The following SLC17A1 variants were observed in gnomAD, a reference collection of about 807,000 sequenced individuals.
SLC17A1 encodes sodium-dependent phosphate transport protein 1.
Under a neutral mutation model 53.5 loss-of-function variants are expected in SLC17A1, and 51 were observed. The ratio of observed to expected loss-of-function variants is 0.95; its 90% CI spans 0.76 to 1.20. SLC17A1 has a LOEUF of 1.20. SLC17A1 is among the 50% of genes most tolerant of loss of function. The pLI, the probability that SLC17A1 is intolerant of heterozygous loss-of-function variation, is 0.00. For missense variants in SLC17A1, 538 were observed against 568.2 expected, an observed-to-expected ratio of 0.95 and a Z score of 0.54; for synonymous variants, 179 against 198.8, an observed-to-expected ratio of 0.90 and a Z score of 0.84.
Position 25,819,815 on chromosome 6 carries a change from C to G in SLC17A1, c.308G>C (p.Gly103Ala). Residue 103 changes from glycine (G) to alanine (A), a missense_variant, in exon 4 of 13, where the codon GGA becomes GCA. By Grantham distance (60) the Gly-to-Ala change is moderately conservative (BLOSUM62 0). Transcript: ENST00000244527. ...IIQVPVGYFS[G>A]IYSTKKMIGF... is the part of the protein sequence containing the mutation. ...AATCATTTTCTTTGTAGAATATATT[C>G]CAGAGAAGTATCCAACAGGAACTTG... 9 of 1,614,004 alleles carry G rather than the reference C, an allele frequency of 5.6e-6. No individual in the cohort carries two copies. Among genetic ancestry groups the G allele is most frequent in the Non-Finnish European group, 4.2e-6 (5 of 1,179,938 alleles).
At chr6:25,737,075 C>T in the SLC17A1 span, among the ~76,000 whole-genome samples, 1 of 152,138 alleles carries the variant, frequency 6.6e-6, no homozygotes, top group African/African-American at 2.4e-5. Flanking sequence ...AATTAAACCA[C>T]CTTTGTAAAA....
the SLC17A1 span, chr6:25,770,890 C>A: frequency 6.5e-7 from 1 of 1,532,580 alleles, no homozygotes. Flanking sequence ...CAAGACGAGT[C>A]CTCTCACCCA....
intron 3 of SLC17A1, among the ~76,000 whole-genome samples, chr6:25,821,301 T>C (rs1055226321): frequency 1.3e-5 from 2 of 152,186 alleles, no homozygotes; most frequent in African/African-American, 2.4e-5. Flanking sequence ...GTGTAATATT[T>C]CTCTTGGATG....
chr6:25,785,762 T>A (rs1024505294), intron 12 of SLC17A1, among the ~76,000 whole-genome samples: 1 of 151,720 alleles, frequency 6.6e-6, no homozygotes, highest in Non-Finnish European at 1.5e-5. Flanking sequence ...GAAAAGCAAA[T>A]CAAAACCATA....
At chr6:25,798,691 G>A in intron 12 of SLC17A1, 92 bp downstream of exon 12, 6 of 1,219,140 alleles carry the variant, frequency 4.9e-6, no homozygotes, top group East Asian at 2.5e-5. Flanking sequence ...ACCTGCACCC[G>A]TTATTCCTTC....
the SLC17A1 span, among the ~76,000 whole-genome samples, chr6:25,739,316 T>A: frequency 6.6e-6 from 1 of 152,088 alleles, no homozygotes; most frequent in East Asian, 1.9e-4. Flanking sequence ...ACTAATCTCA[T>A]TCATGAGGGC....
chr6:25,726,153 G>A, the SLC17A1 span: 5 of 1,554,606 alleles, frequency 3.2e-6, no homozygotes, highest in African/African-American at 2.7e-5. Context: ...GGGCTTTATG[G>A]TGGTGACTCT....
chr6:25,795,945 A>T (rs1225521098), intron 12 of SLC17A1, among the ~76,000 whole-genome samples: 2 of 152,220 alleles, frequency 1.3e-5, no homozygotes, highest in Non-Finnish European at 1.5e-5. Context: ...AGCAGACATA[A>T]AAAGAAAAAT....
the SLC17A1 span, among the ~76,000 whole-genome samples, chr6:25,731,055 A>C: frequency 2.6e-4 from 40 of 152,392 alleles, no homozygotes; most frequent in East Asian, 7.5e-3. Flanking sequence ...GTTCAGGAAC[A>C]GTTCTGTTGG....
At chr6:25,802,209 C>T (rs375772019) in intron 10 of SLC17A1, among the ~76,000 whole-genome samples, 20 of 152,226 alleles carry the variant, frequency 1.3e-4, no homozygotes, top group African/African-American at 4.1e-4. Flanking sequence ...CTTCCACCTA[C>T]GAGTTTGTTT....
downstream of SLC17A1, among the ~76,000 whole-genome samples, chr6:25,781,387 A>G (rs1361268618): frequency 6.6e-6 from 1 of 152,182 alleles, no homozygotes; most frequent in Non-Finnish European, 1.5e-5. Flanking sequence ...GTAGTTACCA[A>G]TGCCAAATTT....
intron 10 of SLC17A1, among the ~76,000 whole-genome samples, chr6:25,809,583 A>G (rs1561833743): frequency 6.6e-6 from 1 of 152,120 alleles, no homozygotes; most frequent in Non-Finnish European, 1.5e-5. Context: ...AAAGACCACA[A>G]TGAAAACTAA....
the SLC17A1 span, chr6:25,770,001 A>G: frequency 1.4e-6 from 2 of 1,462,840 alleles, no homozygotes; most frequent in Non-Finnish European, 1.9e-6. Context: ...TTGCCTCTCA[A>G]GTCCTCACAA....
the SLC17A1 span, chr6:25,769,156 A>T: frequency 6.2e-7 from 1 of 1,614,062 alleles, no homozygotes; most frequent in South Asian, 1.1e-5. Context: ...TCCCAGGGCT[A>T]CTGGAATGAA....
At chr6:25,736,316 G>A in the SLC17A1 span, among the ~76,000 whole-genome samples, 1 of 151,884 alleles carries the variant, frequency 6.6e-6, no homozygotes, top group African/African-American at 2.4e-5. Flanking sequence ...CAAAATTTTC[G>A]GCTTGACACA....
chr6:25,790,234 C>A (rs985874354), intron 12 of SLC17A1, among the ~76,000 whole-genome samples: 2 of 152,022 alleles, frequency 1.3e-5, no homozygotes, highest in African/African-American at 2.4e-5. Context: ...TGATTTAATA[C>A]CCCAATAGAT....
At chr6:25,732,157 C>A in the SLC17A1 span, 1 of 449,178 alleles carries the variant, frequency 2.2e-6, no homozygotes, top group Non-Finnish European at 3.9e-6. Context: ...AAGCAAGCTC[C>A]AGCATGTTTA....
the SLC17A1 span, among the ~76,000 whole-genome samples, chr6:25,772,129 A>G: frequency 7.2e-5 from 11 of 152,360 alleles, no homozygotes; most frequent in Non-Finnish European, 1.6e-4. Flanking sequence ...ATTCCATAGC[A>G]TATCAACCTT....
the SLC17A1 span, among the ~76,000 whole-genome samples, chr6:25,757,218 C>T: frequency 6.6e-6 from 1 of 152,174 alleles, no homozygotes; most frequent in South Asian, 2.1e-4. Context: ...CGTTACATAA[C>T]ATTTCCACTT....
Sources: gnomAD v4.1 joint callset for allele counts (sites outside exome capture counted in the v4.1 genomes callset) on GRCh38, gnomAD v4.1.1 for gene constraint, MANE v1.5 for transcripts, NCBI Gene and HGNC (gene_info 2026-07-23, HGNC 2026-07-21) for gene names.